ASCC1: variants seen among roughly 807,000 people sequenced by gnomAD.
ASCC1 encodes activating signal cointegrator 1 complex subunit 1.
In ASCC1, 35 loss-of-function variants were observed where a neutral mutation model predicts 46.6. The ratio of observed to expected loss-of-function variants is 0.75; its 90% confidence interval spans 0.57 to 0.99. The LOEUF (loss-of-function observed/expected upper bound fraction) is 0.99, where lower values mean the gene tolerates loss of function less well. Ranked by LOEUF, ASCC1 falls within the 50% of genes least tolerant of loss-of-function variation. ASCC1 has a pLI of 0.00. For synonymous variants in ASCC1, 143 were observed against 146.6 expected (o/e 0.98, Z 0.18); for missense variants, 376 against 428.7 (o/e 0.88, Z 1.09).
chr10:72,193,706 A>G (rs1276582160), intron 5 of ASCC1, among the ~76,000 whole-genome samples: 1 of 152,164 alleles, frequency 6.6e-6, no homozygotes, highest in East Asian at 1.9e-4. Flanking sequence ...TTGAAGATAA[A>G]ATTGAAAAAA....
intron 4 of ASCC1, among the ~76,000 whole-genome samples, chr10:72,202,458 ACT>A (rs1309158205): frequency 6.9e-6 from 1 of 145,804 alleles, no homozygotes; most frequent in Non-Finnish European, 1.5e-5. Context: ...ACACAGCAAG[ACT>A]CTGTCTCAAA....
At chr10:72,136,293 C>T (rs1203024989) in intron 7 of ASCC1, among the ~76,000 whole-genome samples, 3 of 151,838 alleles carry the variant, frequency 2.0e-5, no homozygotes, top group Non-Finnish European at 4.4e-5. Flanking sequence ...CACCAATCAG[C>T]GCTCTGTGTC....
At position 72,130,465 on chromosome 10, in the gene ASCC1, T is replaced by C. The variant is rs1023228488; in HGVS notation, c.872-2298A>G. The stretch of plus-strand genomic sequence containing the variant: ...ACTAGACTGTAAACACACAACACTC[T>C]CTTATATAAAGCTCTAGTACTAACT... On this transcript the variant is annotated intron_variant, in intron 8 of 9. Transcript: ENST00000672957. Among the ~76,000 whole-genome samples, 4 of 152,202 alleles carry C rather than the reference T, an allele frequency of 2.6e-5. 1 individual carries two copies. The highest frequency in any genetic ancestry group is 5.9e-5 in the Non-Finnish European group (4 of 68,042).
rs1355366202 is a variant in ASCC1 at position 72,172,951 on chromosome 10, ATTTTATAT to A, written c.490-11285_490-11278del. 5.8e-5 allele frequency among the ~76,000 whole-genome samples: 8 copies of A among 136,932 alleles called. No individual in the cohort carries two copies. The South Asian group carries it at 1.3e-3, about 22-fold the overall frequency. 89.8% of individuals were successfully genotyped at this position (136,932 alleles called of 152,430 possible). ...TTATATATTTTATATTATATATTAT[ATTTTATAT>A]TTTTATATATGTTATATACAATATT... On this transcript the variant is annotated intron_variant, in intron 5 of 9. Coordinates refer to ENST00000672957, the MANE Select transcript of ASCC1 (RefSeq NM_001198800.3).
intron 9 of ASCC1, among the ~76,000 whole-genome samples, chr10:72,112,606 G>A (rs1299631587): frequency 1.3e-5 from 2 of 152,188 alleles, no homozygotes; most frequent in East Asian, 1.9e-4. Context: ...CAACGGCCGG[G>A]TGCAGTGGCT....
chr10:72,202,988 T>C (rs1191919238), intron 4 of ASCC1, among the ~76,000 whole-genome samples: 1 of 152,010 alleles, frequency 6.6e-6, no homozygotes, highest in Non-Finnish European at 1.5e-5. Flanking sequence ...TGATAAACCA[T>C]AAAGACGCCC....
At chr10:72,109,603 G>C (rs771682164) in intron 9 of ASCC1, among the ~76,000 whole-genome samples, 10 of 152,202 alleles carry the variant, frequency 6.6e-5, no homozygotes, top group Admixed American at 2.0e-4. Context: ...AATTTGGCCT[G>C]AGGCTCACTG....
chr10:72,113,659 C>T (rs966121910), intron 9 of ASCC1, among the ~76,000 whole-genome samples: 14 of 152,170 alleles, frequency 9.2e-5, no homozygotes, highest in Admixed American at 9.2e-4. Context: ...TAAGAAGCTA[C>T]AACACCAAAC....
chr10:72,191,943 G>A (rs904862722), intron 5 of ASCC1, among the ~76,000 whole-genome samples: 12 of 151,314 alleles, frequency 7.9e-5, no homozygotes, highest in South Asian at 4.2e-4. Flanking sequence ...CCACCACGCC[G>A]GCCAGGAAAA....
intron 8 of ASCC1, among the ~76,000 whole-genome samples, chr10:72,132,731 TAAAA>T (rs77464863): frequency 7.1e-6 from 1 of 141,048 alleles, no homozygotes; most frequent in Non-Finnish European, 1.6e-5. Context: ...TTTTTCTCTT[TAAAA>T]AAAAAAAAAG....
chr10:72,190,423 A>C, intron 5 of ASCC1: 1 of 1,597,830 alleles, frequency 6.3e-7, no homozygotes, highest in Middle Eastern at 2.2e-4. Context: ...TCACCAAACC[A>C]GTCCACAACC....
intron 9 of ASCC1, among the ~76,000 whole-genome samples, chr10:72,115,259 T>G (rs1465833636): frequency 6.6e-6 from 1 of 152,176 alleles, no homozygotes; most frequent in Non-Finnish European, 1.5e-5. Context: ...CAAAAAAGTT[T>G]CCTGAGTGCC....
chr10:72,184,524 C>T (rs550777496), intron 5 of ASCC1, among the ~76,000 whole-genome samples: 2 of 151,590 alleles, frequency 1.3e-5, no homozygotes, highest in African/African-American at 4.8e-5. Flanking sequence ...ATATTAACAT[C>T]AAAAAAGTAG....
chr10:72,134,992 A>AT (rs1052186873), intron 7 of ASCC1, among the ~76,000 whole-genome samples: 2 of 152,218 alleles, frequency 1.3e-5, no homozygotes, highest in Middle Eastern at 3.2e-3. Context: ...GGAAGTGCAC[A>AT]TAACTCTGTC....
At chr10:72,159,944 G>A (rs1014496688) in intron 6 of ASCC1, among the ~76,000 whole-genome samples, 20 of 137,218 alleles carry the variant, frequency 1.5e-4, no homozygotes, top group Non-Finnish European at 1.4e-4. Context: ...TCACTCTGTC[G>A]CCCAGGCTGG....
intron 5 of ASCC1, among the ~76,000 whole-genome samples, chr10:72,163,883 G>A (rs185011946): frequency 2.6e-5 from 4 of 152,146 alleles, no homozygotes; most frequent in African/African-American, 9.6e-5. Context: ...ATTCAATGTT[G>A]TGCAACCACC....
At chr10:72,116,004 A>G (rs1843452225) in intron 9 of ASCC1, among the ~76,000 whole-genome samples, 2 of 152,362 alleles carry the variant, frequency 1.3e-5, no homozygotes, top group South Asian at 4.1e-4. Context: ...TAAAAGGTGC[A>G]TCTATCGTAA....
At chr10:72,114,935 T>C (rs1163965140) in intron 9 of ASCC1, among the ~76,000 whole-genome samples, 1 of 152,222 alleles carries the variant, frequency 6.6e-6, no homozygotes, top group African/African-American at 2.4e-5. Context: ...CTGAGCTGTG[T>C]TTCAACAAAG....
intron 7 of ASCC1, 141 bp downstream of exon 7, chr10:72,152,728 C>T: frequency 1.9e-6 from 2 of 1,040,522 alleles, no homozygotes; most frequent in South Asian, 1.6e-5. Flanking sequence ...GATTAACTTA[C>T]TATTAAAAAA....
Sources: gnomAD v4.1 joint callset for allele counts (sites outside exome capture counted in the v4.1 genomes callset) on GRCh38, gnomAD v4.1.1 for gene constraint, MANE v1.5 for transcripts, NCBI Gene and HGNC (gene_info 2026-07-23, HGNC 2026-07-21) for gene names.